Variants in ORAI2 observed in about 807,000 individuals in gnomAD.
The protein encoded by ORAI2 is protein orai-2.
In ORAI2, 10 loss-of-function variants were observed where a neutral mutation model predicts 16.2. The ratio of observed to expected loss-of-function variants is 0.62; its 90% CI spans 0.38 to 1.04. ORAI2 has a LOEUF of 1.04. Among genes scored for constraint, ORAI2 ranks in the 50% least tolerant of loss-of-function variants. The pLI, the probability that ORAI2 is intolerant of heterozygous loss-of-function variation, is 0.01. For synonymous variants in ORAI2, 150 were observed against 157.5 expected (o/e 0.95, Z 0.35); for missense variants, 238 against 355.5 (o/e 0.67, Z 2.66).
intron 3 of ORAI2, among the ~76,000 whole-genome samples, chr7:102,443,799 C>T (rs962040554): frequency 3.3e-5 from 5 of 152,026 alleles, no homozygotes; most frequent in Non-Finnish European, 5.9e-5. Context: ...CTTTGCGTCC[C>T]GGGTTCAAGA....
chr7:102,451,989 G>C lies in ORAI2; in HGVS notation c.*4937G>C, dbSNP rs1349291536. On this transcript the variant is annotated 3_prime_UTR_variant, in exon 4 of 4. Transcript: ENST00000495936. ...GAGCCCACCTGGACAGGGTCAGCTTGGCGTTCCCCCCAGTCCCTTGAGGAG... is the reference window on the plus strand; with the variant it reads ...GAGCCCACCTGGACAGGGTCAGCTTCGCGTTCCCCCCAGTCCCTTGAGGAG... 6.6e-6 allele frequency: 1 copy of C among 152,272 alleles called. No homozygotes were observed. The highest frequency in any genetic ancestry group is 1.5e-5 in the Non-Finnish European group (1 of 68,084). The allele number at this position is 152,272 out of a possible 1,614,324, so 9.4% of individuals were successfully genotyped here. A position where few individuals can be genotyped will look rare whatever the true frequency, so the allele number is the denominator to read the frequency against.
At chr7:102,438,834 C>A in intron 2 of ORAI2, 110 bp from the exon 3 acceptor site, 1 of 950,828 alleles carries the variant, frequency 1.1e-6, no homozygotes, top group Non-Finnish European at 1.7e-6. Flanking sequence ...CCCCTGGGCT[C>A]TGGCGTGGGC....
intron 2 of ORAI2, among the ~76,000 whole-genome samples, chr7:102,437,179 G>A (rs184465500): frequency 2.0e-5 from 3 of 152,278 alleles, no homozygotes; most frequent in East Asian, 1.9e-4. Context: ...AGGCATCTCC[G>A]CCTTCTGTTT....
chr7:102,434,209 G>C (rs567022119), intron 1 of ORAI2, among the ~76,000 whole-genome samples: 64 of 151,142 alleles, frequency 4.2e-4, no homozygotes, highest in African/African-American at 1.5e-3. Flanking sequence ...CAGAAGTACA[G>C]GGCTCCATCC....
rs1190394955 is a variant in ORAI2 at position 102,441,553 on chromosome 7, G to GA, written c.225+2384dup. Among the ~76,000 whole-genome samples the GA allele has an allele frequency of 8.1e-3, 1,048 of 129,194 alleles. 18 individuals are homozygous for GA. The highest frequency in any genetic ancestry group is 0.023 in the African/African-American group (825 of 35,278). 84.8% of individuals were successfully genotyped at this position (129,194 alleles called of 152,430 possible). On this transcript the variant is annotated intron_variant, in intron 3 of 3. Transcript: ENST00000495936. ...GACTGCATCTCAAAAAAAAAAAAAA[G>GA]AAAAAAAAAAAACCAGAGGTGGCTC...
rs374347967 is a variant in ORAI2, at chr7:102,454,399, C to T, written c.*7347C>T. 2.0e-5 allele frequency: 3 copies of T among 153,590 alleles called. No individual in the cohort carries two copies. The highest frequency in any genetic ancestry group is 7.2e-5 in the African/African-American group (3 of 41,426). 9.5% of individuals were successfully genotyped at this position (153,590 alleles called of 1,614,324 possible). On this transcript the variant is annotated 3_prime_UTR_variant, in exon 4 of 4. Coordinates refer to ENST00000495936, the MANE Select transcript of ORAI2 (RefSeq NM_001126340.3). Reference sequence around the variant, plus strand: ...AAAATGAGTGAGACCACGTCTCAACCCCTTTCACAGCCCGTCTGCGGCCCA... The same window carrying T: ...AAAATGAGTGAGACCACGTCTCAACTCCTTTCACAGCCCGTCTGCGGCCCA...
At chr7:102,437,049 C>G (rs534799383) in intron 2 of ORAI2, among the ~76,000 whole-genome samples, 1 of 152,214 alleles carries the variant, frequency 6.6e-6, no homozygotes, top group Non-Finnish European at 1.5e-5. Flanking sequence ...TTGGGACACA[C>G]GCGACCGCCA....
rs1234391128 is a variant in ORAI2 at position 102,451,917 on chromosome 7, C to G, written c.*4865C>G. The G allele has an allele frequency of 6.6e-6, 1 of 152,276 alleles. No individual in the cohort carries two copies. The highest frequency in any genetic ancestry group is 1.9e-4 in the East Asian group (1 of 5,186). 9.4% of individuals were successfully genotyped at this position (152,276 alleles called of 1,614,324 possible). A position where few individuals can be genotyped will look rare whatever the true frequency, so the allele number is the denominator to read the frequency against. ...CCTCCCAGACAGGGCCCTCTCTTTCCAGAAACAAAAGAAGGGGCAGCCCCA... is the reference window on the plus strand; with the variant it reads ...CCTCCCAGACAGGGCCCTCTCTTTCGAGAAACAAAAGAAGGGGCAGCCCCA... On this transcript the variant is annotated 3_prime_UTR_variant, in exon 4 of 4. Coordinates refer to ENST00000495936, the MANE Select transcript of ORAI2 (RefSeq NM_001126340.3).
chr7:102,440,890 GTTTGTT>G (rs1237229113), intron 3 of ORAI2, among the ~76,000 whole-genome samples: 2 of 151,242 alleles, frequency 1.3e-5, no homozygotes, highest in Admixed American at 6.6e-5. Context: ...TTTTCTTTTT[GTTTGTT>G]TTTGTTTTTG....
chr7:102,446,407 T>C (rs1586716505), intron 3 of ORAI2, 106 bp from the exon 4 acceptor site: 1 of 1,226,892 alleles, frequency 8.2e-7, no homozygotes. Context: ...ATGGCTACCC[T>C]GTCCCCCGAA....
At chr7:102,436,500 A>AT (rs1797061713) in intron 2 of ORAI2, among the ~76,000 whole-genome samples, 167 bp downstream of exon 2, 1 of 152,020 alleles carries the variant, frequency 6.6e-6, no homozygotes, top group African/African-American at 2.4e-5. Context: ...ATTTTCAATT[A>AT]TGGGGGGCTC....
chr7:102,446,838 C>T lies in ORAI2; in HGVS notation c.551C>T (p.Pro184Leu), dbSNP rs1031595730. ...GTGGATGCCCGGCGCCAGCCTGGCC[C>T]CCCACCTGGCCCTGGGAGTCACACG... ...LPVDARRQPG[P>L]PPGPGSHTGW... is the part of the protein sequence containing the mutation. Residue 184 changes from proline (P) to leucine (L), a missense_variant, in exon 4 of 4, where the codon CCC (proline) becomes CTC (leucine). Pro to Leu is a moderately conservative substitution (Grantham distance 98). Around this residue, in one of 3 missense-constraint regions of ORAI2, gnomAD observed 176 missense variants for 265.9 expected, o/e 0.66. Transcript: ENST00000495936. 1 of 1,613,812 alleles carries T rather than the reference C, an allele frequency of 6.2e-7. No homozygotes were observed. Among genetic ancestry groups the T allele is most frequent in the South Asian group, 1.1e-5 (1 of 91,068 alleles).
chr7:102,440,701 A>AT (rs1158048412), intron 3 of ORAI2, among the ~76,000 whole-genome samples: 8 of 146,734 alleles, frequency 5.5e-5, no homozygotes, highest in East Asian at 2.0e-4. Context: ...TGCCTGGCTA[A>AT]TTTTTTTTTT....
chr7:102,438,826 C>A, intron 2 of ORAI2, 118 bp from the exon 3 acceptor site: 1 of 887,686 alleles, frequency 1.1e-6, no homozygotes, highest in Non-Finnish European at 1.8e-6. Flanking sequence ...TTTCTAAACC[C>A]CTGGGCTCTG....
chr7:102,435,534 C>T (rs561277509), intron 1 of ORAI2, among the ~76,000 whole-genome samples: 13 of 117,266 alleles, frequency 1.1e-4, no homozygotes, highest in Admixed American at 2.5e-4. Flanking sequence ...TTGCCCCCCC[C>T]TCTTTTTTTT....
chr7:102,440,415 G>C (rs1361789954), intron 3 of ORAI2, among the ~76,000 whole-genome samples: 1 of 152,204 alleles, frequency 6.6e-6, no homozygotes, highest in Non-Finnish European at 1.5e-5. Flanking sequence ...CCCATCTCCT[G>C]TTGACTCCAA....
rs1038931348 is a variant in ORAI2 at position 102,433,963 on chromosome 7, A to G, written c.-123+302A>G. ...CCCAGTGCGCCTGCTGGAGAGAGAC[A>G]CTCGCCATTGCCGGTGCCCCAGATG... On this transcript the variant is annotated intron_variant, in intron 1 of 3. Coordinates refer to ENST00000495936, the MANE Select transcript of ORAI2 (RefSeq NM_001126340.3). This position sits in a 1 kb window ranked among gnomAD's most constrained non-coding sequence, Gnocchi z 4.6. 6.6e-6 allele frequency among the ~76,000 whole-genome samples: 1 copy of G among 151,444 alleles called. No homozygotes were observed. Among genetic ancestry groups the G allele is most frequent in the African/African-American group, 2.4e-5 (1 of 41,192 alleles).
intron 1 of ORAI2, among the ~76,000 whole-genome samples, chr7:102,435,453 G>C (rs1797034728): frequency 6.6e-6 from 1 of 151,846 alleles, no homozygotes; most frequent in Non-Finnish European, 1.5e-5. Flanking sequence ...ACCTTTTCCT[G>C]GCCTTGGTGT....
chr7:102,438,055 T>TA (rs1361519632), intron 2 of ORAI2, among the ~76,000 whole-genome samples: 3 of 143,626 alleles, frequency 2.1e-5, no homozygotes, highest in African/African-American at 7.9e-5. Flanking sequence ...TCTCTATTTT[T>TA]AAAAAAAGTA....
Sources: gnomAD v4.1 joint callset for allele counts (sites outside exome capture counted in the v4.1 genomes callset) on GRCh38, gnomAD v4.1.1 for gene constraint, gnomAD v4.1.1 regional missense constraint, Gnocchi (gnomAD v3.1) non-coding constraint, MANE v1.5 for transcripts, NCBI Gene and HGNC (gene_info 2026-07-23, HGNC 2026-07-21) for gene names.